CUL1: variants seen among roughly 807,000 people sequenced by gnomAD.
CUL1 encodes cullin-1.
In CUL1, 24 loss-of-function variants were observed where a neutral mutation model predicts 118.0. The observed-to-expected ratio is 0.20, with a 90% CI of 0.15 to 0.29. The LOEUF (loss-of-function observed/expected upper bound fraction) is 0.29. Ranked by LOEUF, CUL1 falls within the 10% of genes least tolerant of loss-of-function variation. CUL1 has a pLI of 1.00. For missense variants in CUL1, 361 were observed against 933.8 expected (o/e 0.39, Z 7.99); for synonymous variants, 332 against 340.4 (o/e 0.98, Z 0.27).
chr7:148,776,858 C>T (rs976122231), intron 9 of CUL1, among the ~76,000 whole-genome samples: 1 of 152,176 alleles, frequency 6.6e-6, no homozygotes, highest in Admixed American at 6.5e-5. Flanking sequence ...GTCAGGCAGC[C>T]CTATACTCAT....
intron 1 of CUL1, among the ~76,000 whole-genome samples, chr7:148,724,884 G>A (rs998243403): frequency 1.3e-5 from 2 of 151,908 alleles, no homozygotes; most frequent in African/African-American, 4.8e-5. Flanking sequence ...CTTTAGGTTT[G>A]GGGACCTCCT....
At position 148,775,038 on chromosome 7, in the gene CUL1, A is replaced by G. The variant is rs1800352283; in HGVS notation, c.1083+7289A>G. Among the ~76,000 whole-genome samples, 16 of 152,024 alleles carry G rather than the reference A, an allele frequency of 1.1e-4. 1 individual carries two copies. Among genetic ancestry groups the G allele is most frequent in the Admixed American group, 1.0e-3 (16 of 15,278 alleles). On this transcript the variant is annotated intron_variant, in intron 9 of 21. Coordinates refer to ENST00000325222, the MANE Select transcript of CUL1 (RefSeq NM_003592.3). ...GTAGATCCGAGTACATTAGCAGAAA[A>G]AGTTCTGTGATTTAGATTGGGAAGT... is the stretch of plus-strand genomic sequence containing the variant.
At chr7:148,741,701 G>A (rs1194969801) in intron 2 of CUL1, among the ~76,000 whole-genome samples, 1 of 121,350 alleles carries the variant, frequency 8.2e-6, no homozygotes, top group Non-Finnish European at 1.7e-5. Context: ...AGCCTCCCGA[G>A]TAGCTGGAAC....
chr7:148,753,240 T>C (rs370956988), intron 2 of CUL1, among the ~76,000 whole-genome samples: 5 of 152,224 alleles, frequency 3.3e-5, no homozygotes, highest in East Asian at 3.8e-4. Flanking sequence ...TCTTTCTGAG[T>C]ATAAGTATCT....
rs537736376 is a variant in CUL1 at position 148,770,863 on chromosome 7, C to G, written c.1083+3114C>G. 7.9e-5 allele frequency among the ~76,000 whole-genome samples: 12 copies of G among 152,178 alleles called. No homozygotes were observed. In the South Asian group the frequency reaches 2.3e-3, roughly 29 times the overall value. On this transcript the variant is annotated intron_variant, in intron 9 of 21. Coordinates refer to ENST00000325222, the MANE Select transcript of CUL1 (RefSeq NM_003592.3). Reference sequence around the variant, plus strand: ...TAAATGTAAAAGACACATTGTAACCCAACCATAATTATTTTCAAAAACCCA... The same window carrying G: ...TAAATGTAAAAGACACATTGTAACCGAACCATAATTATTTTCAAAAACCCA...
Position 148,724,687 on chromosome 7 carries a change from C to A in CUL1, c.-161-5275C>A, listed in dbSNP as rs549940767. ...CTGTCGTCCTGCTTCACTCACCAGC[C>A]ACCTGTGTGTCCAAGTCAGGAGGTG... On this transcript the variant is annotated intron_variant, in intron 1 of 21. Transcript: ENST00000325222. Among the ~76,000 whole-genome samples, 5 of 152,316 alleles carry A rather than the reference C, an allele frequency of 3.3e-5. No homozygotes were observed. The South Asian group carries it at 1.0e-3, about 32-fold the overall frequency.
At chr7:148,710,656 A>C (rs1049974856) in intron 1 of CUL1, among the ~76,000 whole-genome samples, 1 of 149,032 alleles carries the variant, frequency 6.7e-6, no homozygotes, top group African/African-American at 2.5e-5. Flanking sequence ...GTTTTACCAC[A>C]TTTTCTCCTT....
At chr7:148,713,653 G>C (rs1422005592) in intron 1 of CUL1, among the ~76,000 whole-genome samples, 3 of 152,194 alleles carry the variant, frequency 2.0e-5, no homozygotes, top group African/African-American at 7.2e-5. Context: ...AATGATATGT[G>C]AGAATTCTTG....
chr7:148,734,515 G>C (rs910555223), intron 2 of CUL1, among the ~76,000 whole-genome samples: 1 of 152,162 alleles, frequency 6.6e-6, no homozygotes, highest in East Asian at 1.9e-4. Flanking sequence ...AAATGCTGGG[G>C]TGACAGGTAT....
At chr7:148,718,997 T>G (rs764769491) in intron 1 of CUL1, among the ~76,000 whole-genome samples, 4 of 152,148 alleles carry the variant, frequency 2.6e-5, no homozygotes, top group African/African-American at 4.8e-5. Flanking sequence ...TAGAATGGCT[T>G]TAAGTAAGTA....
upstream of CUL1, chr7:148,698,442 C>A (rs1314687830): frequency 6.6e-6 from 1 of 152,204 alleles, no homozygotes; most frequent in African/African-American, 2.4e-5. Flanking sequence ...TCCTCCGCGG[C>A]GGTCCCAAGG....
At chr7:148,778,416 C>T (rs981277855) in intron 9 of CUL1, among the ~76,000 whole-genome samples, 8 of 152,074 alleles carry the variant, frequency 5.3e-5, no homozygotes, top group Non-Finnish European at 1.2e-4. Context: ...GAGCACCTTC[C>T]CAGATAATGG....
In CUL1 at chr7:148,712,540, A is replaced by G. The variant is rs565811364; in HGVS notation, c.-162+13511A>G. Among the ~76,000 whole-genome samples, 17 of 152,352 alleles carry G rather than the reference A, an allele frequency of 1.1e-4. 1 individual carries two copies. Among genetic ancestry groups the G allele is most frequent in the African/African-American group, 4.1e-4 (17 of 41,594 alleles). On this transcript the variant is annotated intron_variant, in intron 1 of 21. Transcript: ENST00000325222. ...AATTTACTTCATTTTGACTTCAAAA[A>G]TAAGCATGGGTGGTTTAACATTTAA...
At chr7:148,759,132 A>G (rs538374589) in intron 4 of CUL1, among the ~76,000 whole-genome samples, 172 bp from the exon 5 acceptor site, 1 of 152,230 alleles carries the variant, frequency 6.6e-6, no homozygotes, top group Non-Finnish European at 1.5e-5. Flanking sequence ...ATACCTCTTG[A>G]AGTTGTTGAC....
chr7:148,713,018 T>C (rs1798099537), intron 1 of CUL1, among the ~76,000 whole-genome samples: 1 of 152,226 alleles, frequency 6.6e-6, no homozygotes, highest in Admixed American at 6.5e-5. Flanking sequence ...TTTTTCTTTA[T>C]TTGATTTTTT....
intron 3 of CUL1, among the ~76,000 whole-genome samples, chr7:148,756,018 C>T (rs1424178626): frequency 2.6e-5 from 4 of 152,186 alleles, no homozygotes; most frequent in African/African-American, 9.7e-5. Context: ...TGCTGCCATA[C>T]AGTACCATTA....
At chr7:148,729,821 G>A (rs988916439) in intron 1 of CUL1, 141 bp from the exon 2 acceptor site, 17 of 262,302 alleles carry the variant, frequency 6.5e-5, no homozygotes, top group Admixed American at 4.8e-4. Context: ...CAGACCATAT[G>A]GTTAACATGA....
chr7:148,726,833 C>A (rs1336409160), intron 1 of CUL1, among the ~76,000 whole-genome samples: 11 of 131,708 alleles, frequency 8.4e-5, no homozygotes, highest in African/African-American at 1.4e-4. Context: ...CCATCTCTAC[C>A]AAAAAAAAAA....
chr7:148,725,219 G>GCGCGCGCGCGCACA, intron 1 of CUL1, among the ~76,000 whole-genome samples: 1 of 140,060 alleles, frequency 7.1e-6, no homozygotes, highest in South Asian at 2.4e-4. Context: ...ACACGCGCGC[G>GCGCGCGCGCGCACA]CTCACACACA....
Sources: gnomAD v4.1 joint callset for allele counts (sites outside exome capture counted in the v4.1 genomes callset) on GRCh38, gnomAD v4.1.1 for gene constraint, MANE v1.5 for transcripts, NCBI Gene and HGNC (gene_info 2026-07-23, HGNC 2026-07-21) for gene names.